The following DBH variants were observed in gnomAD, a reference collection of about 807,000 sequenced individuals.
The protein encoded by DBH is dopamine beta-hydroxylase (dopamine beta-monooxygenase).
In DBH, 49 loss-of-function variants were observed where a neutral mutation model predicts 64.0. The observed-to-expected ratio is 0.77, with a 90% CI of 0.61 to 0.97. The LOEUF (loss-of-function observed/expected upper bound fraction) is 0.97, where lower values mean the gene tolerates loss of function less well. Ranked by LOEUF, DBH falls within the 50% of genes least tolerant of loss-of-function variation. The pLI is 0.00. For synonymous variants in DBH, 343 were observed against 347.1 expected, an observed-to-expected ratio of 0.99 and a Z score of 0.13; for missense variants, 828 against 826.6, an observed-to-expected ratio of 1.00 and a Z score of -0.02.
chr9:133,640,046 C>T (rs948043979), intron 2 of DBH, 54 bp downstream of exon 2: 1 of 1,601,144 alleles, frequency 6.2e-7, no homozygotes, highest in African/African-American at 1.3e-5. Flanking sequence ...TATCATGCTG[C>T]CATCCTGTGC....
chr9:133,647,993 C>A lies in DBH; in HGVS notation c.1172C>A (p.Thr391Lys), dbSNP rs138015991. ...ETAFILTGYC[T>K]DKCTQLALPP... ...GCCTTCATCCTCACTGGCTACTGCA[C>A]GGACAAGTGCACCCAGCTGGTGAGT... Residue 391 changes from threonine to lysine, a missense_variant, in exon 6 of 12, where the codon ACG (threonine) becomes AAG (lysine). Coordinates refer to ENST00000393056, the MANE Select transcript of DBH (RefSeq NM_000787.4). 1.1e-5 allele frequency: 17 copies of A among 1,612,820 alleles called. No homozygotes were observed. In the East Asian group the frequency reaches 3.6e-4, roughly 34 times the overall value.
chr9:133,639,789 T>G lies in DBH; in HGVS notation c.340-57T>G, dbSNP rs1832094353. Reference sequence around the variant, plus strand: ...TCTGCCGGGGAATGCCCTCTTCCCCTGTGGATTGGCCCGGCTTGGCTCCTT... The same window carrying G: ...TCTGCCGGGGAATGCCCTCTTCCCCGGTGGATTGGCCCGGCTTGGCTCCTT... On this transcript the variant is annotated intron_variant, in intron 1 of 11. Coordinates refer to ENST00000393056, the MANE Select transcript of DBH (RefSeq NM_000787.4). 9 of 1,572,590 alleles carry G rather than the reference T, an allele frequency of 5.7e-6. No homozygotes were observed. The East Asian group carries it at 2.0e-4, about 36-fold the overall frequency.
Position 133,645,733 on chromosome 9 carries a change from C to T in DBH, c.1024+1413C>T, listed in dbSNP as rs145254221. 8.0e-4 allele frequency among the ~76,000 whole-genome samples: 122 copies of T among 152,234 alleles called. 2 individuals carry two copies. The East Asian group carries it at 0.022, about 27-fold the overall frequency. The stretch of plus-strand genomic sequence containing the variant: ...GGAAACAAGTAGGGAGATGGTTGGG[C>T]CCCCTGGAAGTGCCCTGCACCCCAG... On this transcript the variant is annotated intron_variant, in intron 5 of 11. Transcript: ENST00000393056.
At chr9:133,639,703 C>A (rs1290605673) in intron 1 of DBH, 143 bp from the exon 2 acceptor site, 2 of 878,336 alleles carry the variant, frequency 2.3e-6, no homozygotes, top group Admixed American at 4.1e-5. Context: ...CAGGCAGAAC[C>A]CTCAGATCCA....
chr9:133,651,950 T>C (rs1832254701), intron 7 of DBH, among the ~76,000 whole-genome samples, 173 bp downstream of exon 7: 1 of 148,532 alleles, frequency 6.7e-6, no homozygotes, highest in South Asian at 2.3e-4. Context: ...GGGTGTCTGG[T>C]GTCTGATCGT....
chr9:133,649,400 C>T (rs976412137), intron 6 of DBH, among the ~76,000 whole-genome samples: 2 of 152,226 alleles, frequency 1.3e-5, no homozygotes, highest in African/African-American at 4.8e-5. Context: ...GATCACACTG[C>T]CAGCAGTCAC....
intron 6 of DBH, 150 bp from the exon 7 acceptor site, chr9:133,651,484 C>T: frequency 1.0e-6 from 1 of 1,001,694 alleles, no homozygotes; most frequent in Non-Finnish European, 1.5e-6. Context: ...GATGGTGGCT[C>T]TAACCTGGCC....
chr9:133,647,151 TG>T (rs1374622431), intron 5 of DBH, among the ~76,000 whole-genome samples: 1 of 152,170 alleles, frequency 6.6e-6, no homozygotes, highest in Non-Finnish European at 1.5e-5. Flanking sequence ...TCACTCAAAT[TG>T]TTCCTGAGAT....
At chr9:133,642,765 G>A (rs1832132266) in intron 3 of DBH, among the ~76,000 whole-genome samples, 1 of 152,116 alleles carries the variant, frequency 6.6e-6, no homozygotes, top group African/African-American at 2.4e-5. Context: ...TGTCTGCCAG[G>A]CCACCTCCCC....
chr9:133,646,705 G>C (rs1467566871), intron 5 of DBH, among the ~76,000 whole-genome samples: 1 of 151,794 alleles, frequency 6.6e-6, no homozygotes, highest in Admixed American at 6.6e-5. Context: ...TGTATTTTTA[G>C]TAGAGACAGG....
At chr9:133,651,086 C>T (rs928605128) in intron 6 of DBH, among the ~76,000 whole-genome samples, 2 of 152,206 alleles carry the variant, frequency 1.3e-5, no homozygotes, top group Admixed American at 6.5e-5. Context: ...AGCTGTAGCA[C>T]GGGGTGATGC....
intron 9 of DBH, 52 bp from the exon 10 acceptor site, chr9:133,656,471 G>A: frequency 6.2e-7 from 1 of 1,612,122 alleles, no homozygotes; most frequent in South Asian, 1.1e-5. Flanking sequence ...CTGCTGGATG[G>A]CAGCGTCTGC....
At chr9:133,651,346 T>TC (rs1457863261) in intron 6 of DBH, among the ~76,000 whole-genome samples, 1 of 151,600 alleles carries the variant, frequency 6.6e-6, no homozygotes, top group East Asian at 2.2e-4. Context: ...GATGAACCTG[T>TC]CAGGCTTCAG....
rs1213972435 is a variant in DBH at position 133,642,293 on chromosome 9, G to A, written c.573G>A (p.Gly191=). 1 of 1,614,082 alleles carries A rather than the reference G, an allele frequency of 6.2e-7. No homozygotes were observed. The highest frequency in any genetic ancestry group is 8.5e-7 in the Non-Finnish European group (1 of 1,180,020). Residue 191 remains glycine (G), a synonymous_variant, in exon 3 of 12, where the codon GGG becomes GGA. Coordinates refer to ENST00000393056, the MANE Select transcript of DBH (RefSeq NM_000787.4). Reference sequence around the variant, plus strand: ...TCAACGGCTCGGGCCTGCAGATGGGGCTGCAGAGGGTGCAGCTCCTGAAGC... The same window carrying A: ...TCAACGGCTCGGGCCTGCAGATGGGACTGCAGAGGGTGCAGCTCCTGAAGC... ...EAINGSGLQM[G]LQRVQLLKPN...
In DBH at chr9:133,656,624, G is replaced by T; in HGVS notation, c.1536G>T (p.Leu512=). The change falls in exon 10 of 12, where the codon CTG becomes CTT. Residue 512 remains leucine (L), a synonymous_variant. Transcript: ENST00000393056. ...AGAGCGCTGTGGACGCCGGCTTCCT[G>T]CAGAAGTACTTCCACCTCATCAACA... ...LCKSAVDAGF[L]QKYFHLINRF... is the part of the protein sequence containing the mutation. 1 of 1,612,964 alleles carries T rather than the reference G, an allele frequency of 6.2e-7. No homozygotes were observed.
intron 9 of DBH, 106 bp downstream of exon 9, chr9:133,653,105 G>A (rs947764884): frequency 2.6e-5 from 23 of 878,252 alleles, no homozygotes; most frequent in African/African-American, 1.7e-4. Flanking sequence ...GCATGGGCTC[G>A]TCCCCTCAAT....
At chr9:133,650,471 TTTC>T (rs1832233578) in intron 6 of DBH, among the ~76,000 whole-genome samples, 1 of 127,782 alleles carries the variant, frequency 7.8e-6, no homozygotes, top group Non-Finnish European at 1.5e-5. Flanking sequence ...TTTCTTTTTC[TTTC>T]TTTTTCTTTT....
chr9:133,649,855 C>T (rs529635333), intron 6 of DBH, among the ~76,000 whole-genome samples: 20 of 152,372 alleles, frequency 1.3e-4, no homozygotes, highest in African/African-American at 4.6e-4. Context: ...CTCTCTCCAG[C>T]CTCAGGAATA....
chr9:133,643,673 T>C lies in DBH; in HGVS notation c.921+84T>C. ...CCTCTGTTTCCCCAGCTTCACCGTCTCAGAGGCTTCAAGAAGGGGCTCCCA... is the reference window on the plus strand; with the variant it reads ...CCTCTGTTTCCCCAGCTTCACCGTCCCAGAGGCTTCAAGAAGGGGCTCCCA... On this transcript the variant is annotated intron_variant, in intron 4 of 11. Coordinates refer to ENST00000393056, the MANE Select transcript of DBH (RefSeq NM_000787.4). This position sits in a 1 kb window ranked among gnomAD's most constrained non-coding sequence, Gnocchi z 5.3. The C allele has an allele frequency of 2.0e-6, 3 of 1,517,278 alleles. No homozygotes were observed. The highest frequency in any genetic ancestry group is 2.7e-6 in the Non-Finnish European group (3 of 1,111,704). 94.0% of individuals were successfully genotyped at this position (1,517,278 alleles called of 1,614,324 possible).
Sources: gnomAD v4.1 joint callset for allele counts (sites outside exome capture counted in the v4.1 genomes callset) on GRCh38, gnomAD v4.1.1 for gene constraint, Gnocchi (gnomAD v3.1) non-coding constraint, MANE v1.5 for transcripts, NCBI Gene and HGNC (gene_info 2026-07-23, HGNC 2026-07-21) for gene names.